The following RPL38 variants were observed in gnomAD, a reference collection of about 807,000 sequenced individuals.
The protein encoded by RPL38 is large ribosomal subunit protein eL38.
Under a neutral mutation model 12.8 loss-of-function variants are expected in RPL38, and 2 were observed. The ratio of observed to expected loss-of-function variants is 0.16; its 90% CI spans 0.06 to 0.49. RPL38 has a LOEUF of 0.49. RPL38 is among the 20% of genes least tolerant of loss of function. RPL38 has a pLI of 0.96. For missense variants in RPL38, 52 were observed against 79.8 expected, an observed-to-expected ratio of 0.65 and a Z score of 1.33; for synonymous variants, 42 against 30.1, an observed-to-expected ratio of 1.39 and a Z score of -1.29.
rs1485138745 is a variant in RPL38, at chr17:74,210,333, G to A, written c.*504G>A. 5.2e-5 allele frequency: 8 copies of A among 154,272 alleles called. No individual in the cohort carries two copies. The highest frequency in any genetic ancestry group is 5.2e-4 in the Admixed American group (8 of 15,512). 9.6% of individuals were successfully genotyped at this position (154,272 alleles called of 1,614,324 possible). On this transcript the variant is annotated 3_prime_UTR_variant, in exon 5 of 5. Coordinates refer to ENST00000311111, the MANE Select transcript of RPL38 (RefSeq NM_000999.4). ...AAATAAGATGTGGGGAGGCCATGAT[G>A]GAAATAGCACGTGGGGTTAAACATA...
In RPL38 at chr17:74,210,655, A is replaced by G. The variant is rs746981565; in HGVS notation, c.*826A>G. The G allele has an allele frequency of 6.6e-6, 1 of 152,090 alleles. No individual in the cohort carries two copies. Among genetic ancestry groups the G allele is most frequent in the Non-Finnish European group, 1.5e-5 (1 of 68,020 alleles). 9.4% of individuals were successfully genotyped at this position (152,090 alleles called of 1,614,324 possible). ...ATCATAAAATCTGTCTTCATACCCG[A>G]GGTAGTGTTTTTTGTTTTTTTAAGA... is the stretch of plus-strand genomic sequence containing the variant. On this transcript the variant is annotated 3_prime_UTR_variant, in exon 5 of 5. Coordinates refer to ENST00000311111, the MANE Select transcript of RPL38 (RefSeq NM_000999.4).
intron 3 of RPL38, 137 bp from the exon 4 acceptor site, chr17:74,209,050 T>C: frequency 2.3e-6 from 2 of 863,412 alleles, no homozygotes; most frequent in South Asian, 3.2e-5. Flanking sequence ...TAGTGTTTTC[T>C]GTTTGCACAG....
intron 3 of RPL38, among the ~76,000 whole-genome samples, chr17:74,208,983 T>A (rs2050140406): frequency 1.3e-5 from 2 of 152,016 alleles, no homozygotes; most frequent in African/African-American, 4.8e-5. Flanking sequence ...TAGAAGATAT[T>A]CTGTAATGTT....
intron 3 of RPL38, chr17:74,206,375 A>C (rs2050113710): frequency 6.6e-6 from 1 of 152,210 alleles, no homozygotes; most frequent in Non-Finnish European, 1.5e-5. Context: ...TTGAGGCTAT[A>C]GTGAGCCACG....
At chr17:74,207,663 G>A (rs1035009332) in intron 3 of RPL38, among the ~76,000 whole-genome samples, 4 of 151,852 alleles carry the variant, frequency 2.6e-5, no homozygotes, top group African/African-American at 7.3e-5. Context: ...GATTACAGGC[G>A]CCTGGCTAAT....
intron 3 of RPL38, among the ~76,000 whole-genome samples, chr17:74,208,523 C>T (rs1177057068): frequency 1.3e-5 from 2 of 152,364 alleles, no homozygotes; most frequent in Non-Finnish European, 2.9e-5. Context: ...CGAGCTCTTA[C>T]TGGCCCAGAA....
chr17:74,203,940 AGC>A lies in RPL38; in HGVS notation c.-11_-10del. 6.2e-7 allele frequency: 1 copy of A among 1,605,566 alleles called. No individual in the cohort carries two copies. The highest frequency in any genetic ancestry group is 1.3e-5 in the African/African-American group (1 of 74,856). Reference sequence around the variant, plus strand: ...CAGGTCCTGGTCCGCGCCAGAGCCCAGCGCGCCTCGTCGCCATGGTGAGTACA... The same window carrying A: ...CAGGTCCTGGTCCGCGCCAGAGCCCAGCGCCTCGTCGCCATGGTGAGTACA... On this transcript the variant is annotated 5_prime_UTR_variant, in exon 2 of 5. Transcript: ENST00000311111.
At chr17:74,209,511 A>T (rs1951386888) in intron 4 of RPL38, 2 of 689,476 alleles carry the variant, frequency 2.9e-6, no homozygotes, top group Non-Finnish European at 4.8e-6. Flanking sequence ...CCTTAGCCAG[A>T]AGAGCGGTTA....
intron 3 of RPL38, among the ~76,000 whole-genome samples, chr17:74,207,187 G>A (rs913076900): frequency 6.6e-6 from 1 of 151,948 alleles, no homozygotes; most frequent in Non-Finnish European, 1.5e-5. Flanking sequence ...AATTTTTGGT[G>A]TTTTAGAGAT....
In RPL38 at chr17:74,204,706, A is replaced by T. The variant is rs543063909; in HGVS notation, c.64+516A>T. On this transcript the variant is annotated intron_variant, in intron 3 of 4. Transcript: ENST00000311111. ...CTAATCCAGAAAAATATTTAAAAAA[A>T]TTTTTTTTTTTCTTTGAGACAGTCT... is the stretch of plus-strand genomic sequence containing the variant. 1.8e-3 allele frequency: 265 copies of T among 150,694 alleles called. 1 individual carries two copies. The highest frequency in any genetic ancestry group is 5.2e-3 in the South Asian group (25 of 4,796). 9.3% of individuals were successfully genotyped at this position (150,694 alleles called of 1,614,324 possible).
chr17:74,204,289 G>A (rs537817873), intron 3 of RPL38, 99 bp downstream of exon 3: 199 of 1,036,104 alleles, frequency 1.9e-4, no homozygotes, highest in Non-Finnish European at 2.8e-4. Flanking sequence ...CGGTTAGGCC[G>A]TCTGGGTGTG....
In RPL38 at chr17:74,203,762, C is replaced by T. The variant is rs2050082476; in HGVS notation, c.-39+17C>T. 3.1e-6 allele frequency: 2 copies of T among 642,606 alleles called. No homozygotes were observed. The highest frequency in any genetic ancestry group is 2.0e-5 in the South Asian group (1 of 50,358). 39.8% of individuals were successfully genotyped at this position (642,606 alleles called of 1,614,324 possible). A position where few individuals can be genotyped will look rare whatever the true frequency, so the allele number is the denominator to read the frequency against. ...GTGAGAAAGGTAATCTGGGGCAATC[C>T]ACTGCCAGGTGAAATCTGGGGACCC... On this transcript the variant is annotated intron_variant, in intron 1 of 4. Transcript: ENST00000311111.
Position 74,210,441 on chromosome 17 carries a change from A to T in RPL38, c.*612A>T. ...TGCAACAAGGTATAGCACATCTACC[A>T]CTCGCTAACTTGACTGACTTGGAGA... On this transcript the variant is annotated 3_prime_UTR_variant, in exon 5 of 5. Transcript: ENST00000311111. 1 of 152,322 alleles carries T rather than the reference A, an allele frequency of 6.6e-6. No homozygotes were observed. The highest frequency in any genetic ancestry group is 1.5e-5 in the Non-Finnish European group (1 of 68,064). The allele number at this position is 152,322 out of a possible 1,614,324, so 9.4% of individuals were successfully genotyped here.
intron 4 of RPL38, 22 bp from the exon 5 acceptor site, chr17:74,209,782 A>G (rs771022600): frequency 3.1e-6 from 5 of 1,611,016 alleles, no homozygotes; most frequent in Non-Finnish European, 2.5e-6. Context: ...TGGATGGCTT[A>G]CTTTTGTCTC....
intron 4 of RPL38, 131 bp from the exon 5 acceptor site, chr17:74,209,673 A>C (rs1046681796): frequency 1.3e-6 from 1 of 794,396 alleles, no homozygotes; most frequent in African/African-American, 1.8e-5. Context: ...AAATATTTTA[A>C]CCGAAACTTC....
rs2143696057 is a variant in RPL38 at position 74,210,049 on chromosome 17, G to A, written c.*220G>A. The A allele has an allele frequency of 2.1e-6, 1 of 480,498 alleles. No homozygotes were observed. 29.8% of individuals were successfully genotyped at this position (480,498 alleles called of 1,614,324 possible). A position where few individuals can be genotyped will look rare whatever the true frequency, so the allele number is the denominator to read the frequency against. On this transcript the variant is annotated 3_prime_UTR_variant, in exon 5 of 5. Transcript: ENST00000311111. Reference sequence around the variant, plus strand: ...GTGGCTCATCCTGGAGCACAGTGGTGCGATATCAGCTCACTACCACCTCCG... The same window carrying A: ...GTGGCTCATCCTGGAGCACAGTGGTACGATATCAGCTCACTACCACCTCCG...
chr17:74,204,010 G>C (rs2050085899), intron 2 of RPL38, 52 bp downstream of exon 2: 3 of 1,612,884 alleles, frequency 1.9e-6, no homozygotes, highest in Non-Finnish European at 8.5e-7. Flanking sequence ...GTGGGGCCCC[G>C]GGGCGAGGGC....
At chr17:74,208,226 G>A (rs2050132561) in intron 3 of RPL38, among the ~76,000 whole-genome samples, 1 of 152,102 alleles carries the variant, frequency 6.6e-6, no homozygotes, top group South Asian at 2.1e-4. Context: ...TAAAGAGTTG[G>A]AACAAGGCAT....
Position 74,203,730 on chromosome 17 carries a change from T to TA in RPL38, c.-53dup. The TA allele has an allele frequency of 1.7e-6, 1 of 602,880 alleles. No homozygotes were observed. The highest frequency in any genetic ancestry group is 3.0e-6 in the Non-Finnish European group (1 of 336,690). 37.3% of individuals were successfully genotyped at this position (602,880 alleles called of 1,614,324 possible). ...CTTGCTGTGAGTGTCTCTAGGGTGA[T>TA]ACGTGGGTGAGAAAGGTAATCTGGG... On this transcript the variant is annotated 5_prime_UTR_variant, in exon 1 of 5. Transcript: ENST00000311111.
Sources: allele counts gnomAD v4.1 joint callset (sites outside exome capture counted in the v4.1 genomes callset), GRCh38; gene constraint gnomAD v4.1.1; transcripts MANE v1.5; gene names NCBI Gene and HGNC (gene_info 2026-07-23, HGNC 2026-07-21).